FOXP1: variants seen among roughly 807,000 people sequenced by gnomAD.
FOXP1 encodes forkhead box protein P1.
FOXP1 carries 15 observed loss-of-function variants against 98.2 expected under a neutral mutation model. That is an observed-to-expected ratio of 0.15 (90% CI 0.10 to 0.24). FOXP1 has a LOEUF of 0.24. Among genes scored for constraint, FOXP1 ranks in the 10% least tolerant of loss-of-function variants. The probability of loss-of-function intolerance (pLI) is 1.00; values close to 1 mark genes in which losing one functional copy is unlikely to be tolerated. For missense variants in FOXP1, 633 were observed against 848.5 expected (o/e 0.75, Z 3.15); for synonymous variants, 371 against 314.5 (o/e 1.18, Z -1.90).
chr3:71,115,181 A>G (rs1206862448), intron 6 of FOXP1, among the ~76,000 whole-genome samples: 2 of 152,080 alleles, frequency 1.3e-5, no homozygotes, highest in African/African-American at 4.8e-5. Flanking sequence ...ATGGTGGGGA[A>G]GAGGAGAAAG....
intron 4 of FOXP1, among the ~76,000 whole-genome samples, chr3:71,354,828 C>G (rs925246746): frequency 6.6e-6 from 1 of 152,254 alleles, no homozygotes; most frequent in South Asian, 2.1e-4. Flanking sequence ...CGCAATAGCT[C>G]AGTGGCTAGG....
intron 5 of FOXP1, among the ~76,000 whole-genome samples, chr3:71,240,241 C>T (rs573296791): frequency 2.0e-5 from 3 of 152,364 alleles, no homozygotes; most frequent in South Asian, 2.1e-4. Flanking sequence ...CCACTGGCTT[C>T]GGCGAGAGCC....
In FOXP1 at chr3:71,284,234, T is replaced by A. The variant is rs534082929; in HGVS notation, c.-12+15586A>T. Reference sequence around the variant, plus strand: ...TTACATAACTGTTCTTCTACTGATTTTCCCCCCTCTAGAATACATCTAAAG... The same window carrying A: ...TTACATAACTGTTCTTCTACTGATTATCCCCCCTCTAGAATACATCTAAAG... On this transcript the variant is annotated intron_variant, in intron 5 of 20. Coordinates refer to ENST00000649528, the MANE Select transcript of FOXP1 (RefSeq NM_001349338.3). Among the ~76,000 whole-genome samples the A allele has an allele frequency of 2.6e-5, 4 of 152,230 alleles. No homozygotes were observed. The South Asian group carries it at 8.3e-4, about 32-fold the overall frequency.
At chr3:71,165,107 G>C (rs1560048898) in intron 6 of FOXP1, among the ~76,000 whole-genome samples, 1 of 151,952 alleles carries the variant, frequency 6.6e-6, no homozygotes, top group Non-Finnish European at 1.5e-5. Context: ...TGGAAACAAG[G>C]ACTGAAACAA....
intron 3 of FOXP1, among the ~76,000 whole-genome samples, chr3:71,413,493 G>A (rs540329662): frequency 1.4e-4 from 21 of 151,904 alleles, no homozygotes; most frequent in Middle Eastern, 3.4e-3. Context: ...CTTTTTGTCC[G>A]TCACTAAACC....
At chr3:71,477,335 C>T (rs141903094) in intron 3 of FOXP1, among the ~76,000 whole-genome samples, 29 of 152,312 alleles carry the variant, frequency 1.9e-4, no homozygotes, top group Non-Finnish European at 3.8e-4. Context: ...CCATGTAGGG[C>T]TCCAATGAGC....
chr3:71,210,317 A>G (rs2064355402), intron 5 of FOXP1, among the ~76,000 whole-genome samples: 1 of 152,144 alleles, frequency 6.6e-6, no homozygotes, highest in South Asian at 2.1e-4. Flanking sequence ...GTTGTCTTTC[A>G]TGTTTTTGTT....
At chr3:71,425,200 T>G (rs1656109409) in intron 3 of FOXP1, among the ~76,000 whole-genome samples, 1 of 152,058 alleles carries the variant, frequency 6.6e-6, no homozygotes, top group Admixed American at 6.5e-5. Flanking sequence ...ACTGTAGCAT[T>G]CACCTCCCAG....
At chr3:71,240,492 A>G (rs1319364763) in intron 5 of FOXP1, among the ~76,000 whole-genome samples, 3 of 152,102 alleles carry the variant, frequency 2.0e-5, no homozygotes, top group Non-Finnish European at 4.4e-5. Flanking sequence ...GAATGGGGGG[A>G]AAAAAGAAGT....
intron 5 of FOXP1, among the ~76,000 whole-genome samples, chr3:71,262,329 C>T (rs1252214330): frequency 8.1e-6 from 1 of 122,894 alleles, no homozygotes. Flanking sequence ...ACATACCAGA[C>T]ACTCAATGCT....
intron 3 of FOXP1, among the ~76,000 whole-genome samples, chr3:71,411,277 G>GCGC (rs1318285280): frequency 1.0e-5 from 1 of 98,546 alleles, no homozygotes; most frequent in Non-Finnish European, 2.2e-5. Context: ...GGCTGAATGG[G>GCGC]CGTGTGTGTG....
chr3:71,581,128 G>C, intron 2 of FOXP1: 2 of 980,522 alleles, frequency 2.0e-6, no homozygotes, highest in Non-Finnish European at 2.4e-6. Context: ...AGAGCAAAAA[G>C]AAAATGAATT....
chr3:71,458,671 A>G (rs1474331602), intron 3 of FOXP1, among the ~76,000 whole-genome samples: 1 of 152,238 alleles, frequency 6.6e-6, no homozygotes, highest in Non-Finnish European at 1.5e-5. Flanking sequence ...TACTTTCCCC[A>G]GCATTTATTT....
intron 3 of FOXP1, among the ~76,000 whole-genome samples, chr3:71,397,049 C>A (rs9859668): frequency 2.4e-5 from 1 of 41,420 alleles, no homozygotes; most frequent in African/African-American, 1.1e-4. Flanking sequence ...TATATATATA[C>A]ACATATATAT....
At chr3:71,065,281 G>A (rs1217046570) in intron 7 of FOXP1, among the ~76,000 whole-genome samples, 2 of 152,110 alleles carry the variant, frequency 1.3e-5, no homozygotes, top group East Asian at 1.9e-4. Flanking sequence ...CCGGCGGGGC[G>A]GCGTGTTTGT....
chr3:71,442,996 G>C (rs1392260061), intron 3 of FOXP1, among the ~76,000 whole-genome samples: 1 of 152,102 alleles, frequency 6.6e-6, no homozygotes, highest in Non-Finnish European at 1.5e-5. Context: ...GGTTCAAGAG[G>C]TTCTCCTTCC....
intron 3 of FOXP1, among the ~76,000 whole-genome samples, chr3:71,464,446 T>A (rs903733695): frequency 2.0e-5 from 3 of 152,064 alleles, no homozygotes; most frequent in African/African-American, 7.2e-5. Context: ...CCCACACAAG[T>A]TGGAGTGCTC....
intron 3 of FOXP1, among the ~76,000 whole-genome samples, chr3:71,480,212 CA>C (rs1289268547): frequency 1.3e-5 from 2 of 151,974 alleles, no homozygotes; most frequent in East Asian, 1.9e-4. Context: ...AACAAACAAA[CA>C]AAAAACCCCA....
intron 3 of FOXP1, among the ~76,000 whole-genome samples, chr3:71,371,202 A>T (rs1263599382): frequency 6.6e-6 from 1 of 152,148 alleles, no homozygotes; most frequent in Non-Finnish European, 1.5e-5. Flanking sequence ...CACTTGGAGG[A>T]CTGTGCTCTG....
Sources: allele counts gnomAD v4.1 joint callset (sites outside exome capture counted in the v4.1 genomes callset), GRCh38; gene constraint gnomAD v4.1.1; transcripts MANE v1.5; gene names NCBI Gene and HGNC (gene_info 2026-07-23, HGNC 2026-07-21).